GPC5: variants seen among roughly 807,000 people sequenced by gnomAD.
GPC5 encodes the protein glypican-5.
GPC5 carries 47 observed loss-of-function variants against 53.9 expected under a neutral mutation model. The observed-to-expected ratio is 0.87, with a 90% CI of 0.69 to 1.11. GPC5 has a LOEUF of 1.11. Ranked by LOEUF, GPC5 falls within the 50% of genes most tolerant of loss-of-function variation. The pLI, the probability that GPC5 is intolerant of heterozygous loss-of-function variation, is 0.00. For missense variants in GPC5, 748 were observed against 713.1 expected, an observed-to-expected ratio of 1.05 and a Z score of -0.56; for synonymous variants, 286 against 263.3, an observed-to-expected ratio of 1.09 and a Z score of -0.84.
At chr13:92,370,704 G>C (rs188534906) in intron 7 of GPC5, among the ~76,000 whole-genome samples, 2 of 152,084 alleles carry the variant, frequency 1.3e-5, no homozygotes, top group Non-Finnish European at 2.9e-5. Flanking sequence ...ACTGTACATA[G>C]TACATTGAAT....
chr13:92,486,450 T>A (rs1879558046), intron 7 of GPC5, among the ~76,000 whole-genome samples: 1 of 152,190 alleles, frequency 6.6e-6, no homozygotes, highest in Admixed American at 6.5e-5. Context: ...TAAAGTGTGA[T>A]GTAATTTTTT....
intron 2 of GPC5, among the ~76,000 whole-genome samples, chr13:91,594,709 C>T (rs1173060900): frequency 1.3e-5 from 2 of 152,014 alleles, no homozygotes; most frequent in Non-Finnish European, 2.9e-5. Flanking sequence ...GACAGGGTCT[C>T]ACCCTGTCAC....
intron 5 of GPC5, among the ~76,000 whole-genome samples, chr13:91,854,353 G>T (rs1384329687): frequency 6.6e-6 from 1 of 151,620 alleles, no homozygotes. Context: ...GGAAAATTGG[G>T]TCTGCATCCC....
intron 7 of GPC5, among the ~76,000 whole-genome samples, chr13:92,540,685 G>A (rs1188888302): frequency 6.6e-6 from 1 of 151,790 alleles, no homozygotes; most frequent in Non-Finnish European, 1.5e-5. Flanking sequence ...AACTTGAGTA[G>A]AAAATAATTA....
intron 7 of GPC5, among the ~76,000 whole-genome samples, chr13:92,207,245 T>G (rs2139069744): frequency 6.6e-6 from 1 of 152,300 alleles, no homozygotes; most frequent in Non-Finnish European, 1.5e-5. Context: ...TCTTGAGCAC[T>G]AGAAAATACA....
intron 7 of GPC5, among the ~76,000 whole-genome samples, chr13:92,613,339 TA>T (rs1884512230): frequency 9.6e-6 from 1 of 103,800 alleles, no homozygotes; most frequent in South Asian, 2.8e-4. Flanking sequence ...TAATATAATA[TA>T]TTTATATATA....
chr13:92,645,560 C>T (rs1885739858), intron 7 of GPC5, among the ~76,000 whole-genome samples: 1 of 152,090 alleles, frequency 6.6e-6, no homozygotes, highest in Non-Finnish European at 1.5e-5. Flanking sequence ...AAGAGTTGCT[C>T]AGTCATACAA....
At chr13:92,340,501 G>C (rs765279062) in intron 7 of GPC5, 3 of 152,050 alleles carry the variant, frequency 2.0e-5, no homozygotes, top group South Asian at 2.1e-4. Context: ...TGGGACAACA[G>C]GTGCTTTGCC....
intron 6 of GPC5, among the ~76,000 whole-genome samples, chr13:92,105,704 T>A (rs1184603410): frequency 6.6e-6 from 1 of 152,002 alleles, no homozygotes; most frequent in East Asian, 1.9e-4. Context: ...AAAAAAATTA[T>A]ATTGAAGTAT....
chr13:91,500,209 A>T (rs1468017278), intron 2 of GPC5, among the ~76,000 whole-genome samples: 1 of 152,190 alleles, frequency 6.6e-6, no homozygotes, highest in African/African-American at 2.4e-5. Context: ...CAAATCCTTG[A>T]GGATAGGGAC....
At chr13:92,813,407 T>A (rs1877362909) in intron 7 of GPC5, among the ~76,000 whole-genome samples, 1 of 152,020 alleles carries the variant, frequency 6.6e-6, no homozygotes, top group Non-Finnish European at 1.5e-5. Context: ...CTAATATTCT[T>A]AAACCTCATT....
intron 2 of GPC5, among the ~76,000 whole-genome samples, chr13:91,551,547 G>T (rs1449348239): frequency 1.3e-5 from 2 of 152,064 alleles, no homozygotes; most frequent in African/African-American, 4.8e-5. Flanking sequence ...GGATTGATGT[G>T]ATAATTGAGT....
At chr13:91,780,244 C>T (rs935380384) in intron 5 of GPC5, among the ~76,000 whole-genome samples, 18 of 152,134 alleles carry the variant, frequency 1.2e-4, no homozygotes, top group African/African-American at 4.3e-4. Flanking sequence ...TTATATATAT[C>T]ATTTGCCTTC....
At chr13:92,456,530 A>C (rs1341070811) in intron 7 of GPC5, among the ~76,000 whole-genome samples, 1 of 152,170 alleles carries the variant, frequency 6.6e-6, no homozygotes, top group East Asian at 1.9e-4. Context: ...TCATGAGGCC[A>C]GTGCAAAATG....
intron 7 of GPC5, among the ~76,000 whole-genome samples, chr13:92,804,119 T>C (rs975768493): frequency 4.6e-5 from 7 of 151,980 alleles, no homozygotes; most frequent in South Asian, 2.1e-4. Flanking sequence ...AGATTACTTA[T>C]ATGAAGCATC....
intron 6 of GPC5, among the ~76,000 whole-genome samples, chr13:92,121,361 TCTG>T (rs952659766): frequency 2.0e-5 from 3 of 152,206 alleles, no homozygotes; most frequent in Admixed American, 2.0e-4. Flanking sequence ...GTAACTCACT[TCTG>T]CTCTTTGAGA....
At chr13:91,891,962 G>T (rs1227629068) in intron 5 of GPC5, among the ~76,000 whole-genome samples, 1 of 151,952 alleles carries the variant, frequency 6.6e-6, no homozygotes, top group Non-Finnish European at 1.5e-5. Context: ...AACAACTATG[G>T]ATAAAAATAT....
intron 2 of GPC5, among the ~76,000 whole-genome samples, chr13:91,463,278 T>G (rs1882046909): frequency 6.6e-6 from 1 of 152,160 alleles, no homozygotes; most frequent in Non-Finnish European, 1.5e-5. Context: ...CAAATTCAAG[T>G]TTTGCTTTCT....
intron 7 of GPC5, among the ~76,000 whole-genome samples, chr13:92,243,425 T>C (rs2042628075): frequency 6.6e-6 from 1 of 152,104 alleles, no homozygotes; most frequent in East Asian, 1.9e-4. Flanking sequence ...ACAGGACCAA[T>C]TGGGAGCCTA....
Sources: gnomAD v4.1 joint callset for allele counts (sites outside exome capture counted in the v4.1 genomes callset) on GRCh38, gnomAD v4.1.1 for gene constraint, MANE v1.5 for transcripts, NCBI Gene and HGNC (gene_info 2026-07-23, HGNC 2026-07-21) for gene names.